REV3L: variants seen among roughly 807,000 people sequenced by gnomAD.
The protein encoded by REV3L is REV3 like, DNA directed polymerase zeta catalytic subunit.
Under a neutral mutation model 299.4 loss-of-function variants are expected in REV3L, and 69 were observed. That is an observed-to-expected ratio of 0.23 (90% CI 0.19 to 0.28). The LOEUF is 0.28. REV3L is among the 10% of genes least tolerant of loss of function. The pLI, the probability that REV3L is intolerant of heterozygous loss-of-function variation, is 1.00. For synonymous variants in REV3L, 1,238 were observed against 1,271.4 expected, an observed-to-expected ratio of 0.97 and a Z score of 0.56; for missense variants, 3,128 against 3,693.8, an observed-to-expected ratio of 0.85 and a Z score of 3.97.
chr6:111,481,549 T>TA (rs1793645170), intron 1 of REV3L, among the ~76,000 whole-genome samples: 1 of 152,214 alleles, frequency 6.6e-6, no homozygotes, highest in Admixed American at 6.5e-5. Flanking sequence ...TTAAAATGAG[T>TA]GCTTGTGTTT....
At chr6:111,464,518 A>G (rs937608553) in intron 1 of REV3L, among the ~76,000 whole-genome samples, 1 of 152,210 alleles carries the variant, frequency 6.6e-6, no homozygotes, top group Admixed American at 6.5e-5. Context: ...AAAATGTAAA[A>G]AGTATATGCT....
intron 13 of REV3L, among the ~76,000 whole-genome samples, chr6:111,369,931 G>A (rs1165166487): frequency 6.6e-6 from 1 of 151,378 alleles, no homozygotes; most frequent in Non-Finnish European, 1.5e-5. Context: ...CTGACTCCCT[G>A]GTTCAAGTGA....
intron 3 of REV3L, 96 bp downstream of exon 3, chr6:111,411,384 G>C (rs2128280494): frequency 1.3e-6 from 1 of 767,924 alleles, no homozygotes; most frequent in East Asian, 2.8e-5. Context: ...TCTTTAATAA[G>C]ACTACAAACT....
intron 6 of REV3L, among the ~76,000 whole-genome samples, chr6:111,389,750 T>A: frequency 7.8e-6 from 1 of 127,610 alleles, no homozygotes; most frequent in Admixed American, 8.2e-5. Context: ...TTTTTTTTTT[T>A]TTTTTGAGAT....
chr6:111,378,349 C>CT (rs1400751295), intron 11 of REV3L, among the ~76,000 whole-genome samples: 9 of 152,160 alleles, frequency 5.9e-5, no homozygotes, highest in Non-Finnish European at 1.2e-4. Context: ...GATGTTTTCC[C>CT]TTTTAATTGA....
intron 6 of REV3L, among the ~76,000 whole-genome samples, chr6:111,389,598 A>C (rs551333586): frequency 5.3e-5 from 8 of 152,166 alleles, no homozygotes; most frequent in Non-Finnish European, 1.0e-4. Flanking sequence ...CAAAAATATA[A>C]ACAAAAAATT....
intron 1 of REV3L, among the ~76,000 whole-genome samples, chr6:111,427,412 G>C (rs989496138): frequency 8.6e-5 from 13 of 152,038 alleles, no homozygotes; most frequent in Admixed American, 6.5e-5. Context: ...TTTTAAAATG[G>C]ACAGAGACTT....
chr6:111,397,472 CACTT>C (rs1398832837), intron 4 of REV3L, among the ~76,000 whole-genome samples: 3 of 152,128 alleles, frequency 2.0e-5, no homozygotes, highest in Non-Finnish European at 2.9e-5. Context: ...TCAGAAAAGA[CACTT>C]AATATGATTT....
chr6:111,442,219 C>G (rs1309679958), intron 1 of REV3L, among the ~76,000 whole-genome samples: 1 of 152,122 alleles, frequency 6.6e-6, no homozygotes, highest in African/African-American at 2.4e-5. Flanking sequence ...GATTTTCTAC[C>G]CACTTGTTTC....
chr6:111,405,406 AT>A, intron 4 of REV3L, 63 bp downstream of exon 4: 13 of 1,139,688 alleles, frequency 1.1e-5, no homozygotes, highest in Non-Finnish European at 1.7e-5. Flanking sequence ...ATCACTGACT[AT>A]ATAACACTTG....
intron 16 of REV3L, among the ~76,000 whole-genome samples, chr6:111,359,488 C>T (rs1193525078): frequency 7.9e-6 from 1 of 126,020 alleles, no homozygotes; most frequent in Non-Finnish European, 1.6e-5. Context: ...CTTTTGCATA[C>T]ACTAGGCAGA....
At chr6:111,386,910 CAG>C (rs1485321116) in intron 9 of REV3L, among the ~76,000 whole-genome samples, 1 of 151,838 alleles carries the variant, frequency 6.6e-6, no homozygotes, top group Non-Finnish European at 1.5e-5. Context: ...TTAGTAGAGA[CAG>C]AGTTTCACCA....
Position 111,313,441 on chromosome 6 carries a change from T to G in REV3L, c.8515A>C (p.Met2839Leu). Residue 2839 changes from methionine to leucine, a missense_variant, in exon 28 of 32, where the codon ATG (methionine) becomes CTG (leucine). Physicochemically the swap from Met to Leu is conservative, Grantham distance 15 (BLOSUM62 2). Transcript: ENST00000368802. ...TCCTTCTGATCCAGTGTTTCATACA[T>G]GTAACCCACATACCTCTTTTTTGTT... ...LQTKKRYVGY[M>L]YETLDQKDPV... 6.2e-7 allele frequency: 1 copy of G among 1,613,498 alleles called. No homozygotes were observed. Among genetic ancestry groups the G allele is most frequent in the Non-Finnish European group, 8.5e-7 (1 of 1,179,736 alleles).
intron 9 of REV3L, 71 bp from the exon 10 acceptor site, chr6:111,381,515 G>A: frequency 5.1e-6 from 7 of 1,374,650 alleles, no homozygotes; most frequent in Middle Eastern, 2.4e-4. Flanking sequence ...TAGAATTTGT[G>A]TAAATTTGGA....
chr6:111,407,805 T>C (rs1206082926), intron 3 of REV3L, among the ~76,000 whole-genome samples: 1 of 152,018 alleles, frequency 6.6e-6, no homozygotes, highest in African/African-American at 2.4e-5. Flanking sequence ...GACGTGGTGG[T>C]GGTGCCTGTA....
intron 1 of REV3L, among the ~76,000 whole-genome samples, chr6:111,456,289 A>G (rs920794849): frequency 6.6e-6 from 1 of 152,190 alleles, no homozygotes; most frequent in African/African-American, 2.4e-5. Context: ...AAGAGTTAAC[A>G]GTTGTCAACA....
At chr6:111,464,533 G>C (rs529946045) in intron 1 of REV3L, among the ~76,000 whole-genome samples, 8 of 152,186 alleles carry the variant, frequency 5.3e-5, no homozygotes, top group African/African-American at 1.9e-4. Flanking sequence ...TATGCTGTGT[G>C]TTCTCAACAA....
In REV3L at chr6:111,411,580, A is replaced by G. The variant is rs376607361; in HGVS notation, c.330-26T>C. ...CTGAAATATAAGAAAAAAAATTTCA[A>G]ATTATTTTCATAATTCAGAGATGAA... On this transcript the variant is annotated intron_variant, in intron 2 of 31. Transcript: ENST00000368802. 2.2e-5 allele frequency: 30 copies of G among 1,382,050 alleles called. No individual in the cohort carries two copies. In the African/African-American group the frequency reaches 3.2e-4, roughly 15 times the overall value. 85.6% of individuals were successfully genotyped at this position (1,382,050 alleles called of 1,614,324 possible). A position where few individuals can be genotyped will look rare whatever the true frequency, so the allele number is the denominator to read the frequency against.
chr6:111,308,026 A>C (rs1374139047), intron 30 of REV3L: 1 of 315,132 alleles, frequency 3.2e-6, no homozygotes, highest in Non-Finnish European at 6.2e-6. Flanking sequence ...ATGAGTGAGA[A>C]CAGGCGGTGT....
Sources: allele counts gnomAD v4.1 joint callset (sites outside exome capture counted in the v4.1 genomes callset), GRCh38; gene constraint gnomAD v4.1.1; transcripts MANE v1.5; gene names NCBI Gene and HGNC (gene_info 2026-07-23, HGNC 2026-07-21).